The following ZFPM1 variants were observed in gnomAD, a reference collection of about 807,000 sequenced individuals.
ZFPM1 encodes zinc finger protein, FOG family member 1.
A neutral mutation model predicts 46.3 loss-of-function variants in ZFPM1; 28 were observed. The ratio of observed to expected loss-of-function variants is 0.60; its 90% CI spans 0.45 to 0.83. ZFPM1 has a LOEUF of 0.83. Among genes scored for constraint, ZFPM1 ranks in the 40% least tolerant of loss-of-function variants. The probability of loss-of-function intolerance (pLI) is 0.00; values close to 1 mark genes in which losing one functional copy is unlikely to be tolerated. For missense variants in ZFPM1, 1,878 were observed against 1,432.4 expected (o/e 1.31, Z -5.02); for synonymous variants, 957 against 675.9 (o/e 1.42, Z -6.45).
At chr16:88,453,788 TCAC>T (rs1053476326) in intron 1 of ZFPM1, 110 bp downstream of exon 1, 2 of 600,336 alleles carry the variant, frequency 3.3e-6, no homozygotes, top group African/African-American at 4.0e-5. Flanking sequence ...CCGGCGACCT[TCAC>T]CCCGCGCCGC....
Position 88,489,086 on chromosome 16 carries a change from G to C in ZFPM1, c.201G>C (p.Glu67Asp), listed in dbSNP as rs151116544. The C allele has an allele frequency of 1.2e-6, 2 of 1,613,172 alleles. No individual in the cohort carries two copies. The highest frequency in any genetic ancestry group is 1.3e-5 in the African/African-American group (1 of 75,058). The change falls in exon 3 of 10, where the codon GAG becomes GAC. Residue 67 changes from glutamate to aspartate, a missense_variant. Physicochemically the swap from Glu to Asp is conservative, Grantham distance 45. Transcript: ENST00000319555. ...PPPTSPGGPK[E>D]LEGQEPEPRP... is the part of the protein sequence containing the mutation. ...CCACATCCCCAGGAGGCCCCAAGGA[G>C]CTGGAAGGACAGGAACCAGAACCCA...
chr16:88,529,977 C>T (rs540842247), intron 6 of ZFPM1, among the ~76,000 whole-genome samples: 29 of 152,274 alleles, frequency 1.9e-4, no homozygotes, highest in African/African-American at 6.5e-4. Flanking sequence ...GCTGGGCAAG[C>T]CACTGCCCCA....
At chr16:88,453,222 G>A (rs1414818676), upstream of ZFPM1, 5 of 147,394 alleles carry the variant, frequency 3.4e-5, no homozygotes, top group Non-Finnish European at 7.6e-5. Flanking sequence ...AGCGCCGGGG[G>A]CGGGGCGGGA....
chr16:88,475,622 G>A (rs1371328671), intron 1 of ZFPM1, among the ~76,000 whole-genome samples: 3 of 152,160 alleles, frequency 2.0e-5, no homozygotes, highest in South Asian at 2.1e-4. Flanking sequence ...CAAGGACAAC[G>A]CCGGGTACAG....
At chr16:88,475,513 C>G (rs929782314) in intron 1 of ZFPM1, among the ~76,000 whole-genome samples, 5 of 146,712 alleles carry the variant, frequency 3.4e-5, no homozygotes, top group Admixed American at 1.3e-4. Flanking sequence ...GGCAGGGGTC[C>G]GGGGGGGGGA....
chr16:88,520,571 T>C (rs1246370327), intron 4 of ZFPM1, among the ~76,000 whole-genome samples: 11 of 121,674 alleles, frequency 9.0e-5, no homozygotes, highest in East Asian at 2.6e-4. Flanking sequence ...GATGGATGGA[T>C]GGATGGATGG....
intron 1 of ZFPM1, among the ~76,000 whole-genome samples, chr16:88,454,988 C>G (rs919957652): frequency 3.9e-5 from 6 of 152,222 alleles, no homozygotes; most frequent in Non-Finnish European, 8.8e-5. Flanking sequence ...AACCCAACTC[C>G]CTCAGCGCAA....
chr16:88,514,278 G>A, intron 3 of ZFPM1, 109 bp from the exon 4 acceptor site: 4 of 1,494,978 alleles, frequency 2.7e-6, no homozygotes, highest in African/African-American at 2.8e-5. Context: ...ATTCACCCCA[G>A]GCCCCCAGGA....
intron 3 of ZFPM1, among the ~76,000 whole-genome samples, chr16:88,494,453 G>A (rs1159094400): frequency 6.6e-6 from 1 of 152,160 alleles, no homozygotes; most frequent in Non-Finnish European, 1.5e-5. Flanking sequence ...CCCGGCCGGG[G>A]TGAGAGGCCG....
intron 9 of ZFPM1, 52 bp from the exon 10 acceptor site, chr16:88,533,094 ACC>A (rs1157092150): frequency 2.4e-6 from 3 of 1,266,502 alleles, no homozygotes; most frequent in Non-Finnish European, 3.1e-6. Flanking sequence ...TCCAGCTCTG[ACC>A]GGCCAGGTCC....
At chr16:88,467,825 G>A (rs1420125511) in intron 1 of ZFPM1, among the ~76,000 whole-genome samples, 2 of 152,082 alleles carry the variant, frequency 1.3e-5, no homozygotes, top group African/African-American at 2.4e-5. Flanking sequence ...ACCCTACAAC[G>A]AAAAAGAAGA....
At chr16:88,462,223 G>A (rs1907929044) in intron 1 of ZFPM1, among the ~76,000 whole-genome samples, 1 of 152,184 alleles carries the variant, frequency 6.6e-6, no homozygotes, top group African/African-American at 2.4e-5. Flanking sequence ...CAGCTTCCCC[G>A]GCTGTGAAAT....
At chr16:88,529,550 C>T (rs1912619273) in intron 6 of ZFPM1, among the ~76,000 whole-genome samples, 2 of 152,200 alleles carry the variant, frequency 1.3e-5, no homozygotes, top group Admixed American at 1.3e-4. Context: ...AAAAGAGAAG[C>T]CACAGAGTCC....
chr16:88,460,416 G>A lies in ZFPM1; in HGVS notation c.40+6738G>A, dbSNP rs551013657. Reference sequence around the variant, plus strand: ...TGGGCCCAGGCAGTGTCATGGTGGCGGCCCTCCCTGCCTCGGTTGGTTCAA... The same window carrying A: ...TGGGCCCAGGCAGTGTCATGGTGGCAGCCCTCCCTGCCTCGGTTGGTTCAA... On this transcript the variant is annotated intron_variant, in intron 1 of 9. Coordinates refer to ENST00000319555, the MANE Select transcript of ZFPM1 (RefSeq NM_153813.3). Among the ~76,000 whole-genome samples the A allele has an allele frequency of 1.3e-4, 20 of 152,308 alleles. No homozygotes were observed. In the South Asian group the frequency reaches 3.1e-3, roughly 24 times the overall value.
At chr16:88,474,065 G>C (rs1012580958) in intron 1 of ZFPM1, among the ~76,000 whole-genome samples, 2 of 152,258 alleles carry the variant, frequency 1.3e-5, no homozygotes, top group Non-Finnish European at 2.9e-5. Flanking sequence ...CAGCGGTGAT[G>C]AATGTTGAGT....
chr16:88,530,145 C>T (rs570664720), intron 6 of ZFPM1, among the ~76,000 whole-genome samples: 105 of 152,274 alleles, frequency 6.9e-4, no homozygotes, highest in Non-Finnish European at 1.1e-3. Flanking sequence ...GGGGTGCCCC[C>T]GTAGTGTCTC....
chr16:88,483,283 G>A (rs1909046283), intron 1 of ZFPM1, among the ~76,000 whole-genome samples: 2 of 150,118 alleles, frequency 1.3e-5, no homozygotes, highest in African/African-American at 5.0e-5. Context: ...TGCCCCTCCT[G>A]TCCAGGACCC....
chr16:88,456,266 G>A (rs530652596), intron 1 of ZFPM1, among the ~76,000 whole-genome samples: 2 of 152,386 alleles, frequency 1.3e-5, no homozygotes, highest in African/African-American at 4.8e-5. Context: ...AGTCCTCGTA[G>A]ATGGTGCGAG....
chr16:88,496,543 C>T lies in ZFPM1; in HGVS notation c.268+7390C>T, dbSNP rs192513137. Among the ~76,000 whole-genome samples the T allele has an allele frequency of 4.0e-3, 601 of 152,026 alleles. 7 individuals are homozygous for T. Among genetic ancestry groups the T allele is most frequent in the African/African-American group, 0.014 (570 of 41,472 alleles). On this transcript the variant is annotated intron_variant, in intron 3 of 9. Coordinates refer to ENST00000319555, the MANE Select transcript of ZFPM1 (RefSeq NM_153813.3). Reference sequence around the variant, plus strand: ...TGGAGGAGAGGCCTGGGGTACCCTGCGGCTGAGATTGAACAGGGGGGCTCC... The same window carrying T: ...TGGAGGAGAGGCCTGGGGTACCCTGTGGCTGAGATTGAACAGGGGGGCTCC...
Sources: allele counts gnomAD v4.1 joint callset (sites outside exome capture counted in the v4.1 genomes callset), GRCh38; gene constraint gnomAD v4.1.1; transcripts MANE v1.5; gene names NCBI Gene and HGNC (gene_info 2026-07-23, HGNC 2026-07-21).